Variants in GSAP observed in about 807,000 individuals in gnomAD.
GSAP encodes the protein gamma-secretase activating protein.
In GSAP, 118 loss-of-function variants were observed where a neutral mutation model predicts 131.7. That is an observed-to-expected ratio of 0.90 (90% CI 0.77 to 1.04). The LOEUF (loss-of-function observed/expected upper bound fraction) is 1.04, where lower values mean the gene tolerates loss of function less well. Among genes scored for constraint, GSAP ranks in the 50% least tolerant of loss-of-function variants. GSAP has a pLI of 0.00. For missense variants in GSAP, 1,019 were observed against 1,013.2 expected (o/e 1.01, Z -0.08); for synonymous variants, 381 against 363.4 (o/e 1.05, Z -0.55).
intron 14 of GSAP, 125 bp downstream of exon 14, chr7:77,360,699 C>A: frequency 1.7e-6 from 1 of 599,086 alleles, no homozygotes; most frequent in Middle Eastern, 2.8e-4. Flanking sequence ...TCAAGTGGGT[C>A]ATTGATTGTC....
chr7:77,396,304 A>T (rs1563113063), intron 5 of GSAP, among the ~76,000 whole-genome samples: 1 of 152,156 alleles, frequency 6.6e-6, no homozygotes, highest in Non-Finnish European at 1.5e-5. Flanking sequence ...TCTTACATTC[A>T]ATCTGCTTCA....
chr7:77,338,117 A>G (rs1053940252), intron 19 of GSAP, among the ~76,000 whole-genome samples: 6 of 152,198 alleles, frequency 3.9e-5, no homozygotes, highest in African/African-American at 1.4e-4. Context: ...GTGAGCCACT[A>G]TGGTACCACT....
intron 22 of GSAP, chr7:77,328,142 T>C (rs1788573977): frequency 1.1e-6 from 1 of 878,970 alleles, no homozygotes; most frequent in Non-Finnish European, 1.4e-6. Flanking sequence ...CCTGTGCTCT[T>C]TCCCCCAGAA....
In GSAP at chr7:77,352,188, C is replaced by T. The variant is rs1792982054; in HGVS notation, c.1491+756G>A. ...TAAACATAAAGTGTCACCATTTACT[C>T]TAGTACATATTTTCCTATGACTGTG... On this transcript the variant is annotated intron_variant, in intron 18 of 30. Coordinates refer to ENST00000257626, the MANE Select transcript of GSAP (RefSeq NM_017439.4). 2.6e-5 allele frequency among the ~76,000 whole-genome samples: 4 copies of T among 152,198 alleles called. No homozygotes were observed. In the South Asian group the frequency reaches 8.3e-4, roughly 32 times the overall value.
At position 77,366,666 on chromosome 7, in the gene GSAP, A is replaced by G. The variant is rs751330273; in HGVS notation, c.872-4006T>C. 1.6e-4 allele frequency among the ~76,000 whole-genome samples: 25 copies of G among 152,258 alleles called. 1 individual carries two copies. Among genetic ancestry groups the G allele is most frequent in the Middle Eastern group, 6.8e-3 (2 of 294 alleles). On this transcript the variant is annotated intron_variant, in intron 12 of 30. Coordinates refer to ENST00000257626, the MANE Select transcript of GSAP (RefSeq NM_017439.4). Reference sequence around the variant, plus strand: ...GTATAGTTTGAAGTTGGGTAACATGATATCTCCAGCTTTGTTCTTTTTGCT... The same window carrying G: ...GTATAGTTTGAAGTTGGGTAACATGGTATCTCCAGCTTTGTTCTTTTTGCT...
chr7:77,325,996 G>A (rs1291451351), intron 23 of GSAP, among the ~76,000 whole-genome samples: 1 of 152,130 alleles, frequency 6.6e-6, no homozygotes, highest in Non-Finnish European at 1.5e-5. Flanking sequence ...GTATTGGTGT[G>A]ATGCATGTGT....
Position 77,382,588 on chromosome 7 carries a change from A to G in GSAP, c.512T>C (p.Ile171Thr). The G allele has an allele frequency of 6.4e-7, 1 of 1,555,154 alleles. No homozygotes were observed. Among genetic ancestry groups the G allele is most frequent in the Non-Finnish European group, 8.9e-7 (1 of 1,126,450 alleles). Reference sequence around the variant, plus strand: ...GATACACTTACATTTCTCTTCTGAAATCAGTAACAGATGGTTCTCTGGAAG... The same window carrying G: ...GATACACTTACATTTCTCTTCTGAAGTCAGTAACAGATGGTTCTCTGGAAG... ...HPLPENHLLL[I>T]SEEKYIEQFR... The change falls in exon 7 of 31, where the codon ATT becomes ACT. Residue 171 changes from isoleucine (I) to threonine (T), a missense_variant. Transcript: ENST00000257626.
intron 23 of GSAP, among the ~76,000 whole-genome samples, chr7:77,324,023 T>A (rs771492845): frequency 1.2e-4 from 19 of 152,140 alleles, no homozygotes; most frequent in Non-Finnish European, 1.9e-4. Context: ...AAGAAGACAG[T>A]GAAAGTCACC....
intron 19 of GSAP, 172 bp from the exon 20 acceptor site, chr7:77,330,539 A>C (rs1788950281): frequency 2.5e-6 from 3 of 1,207,738 alleles, no homozygotes; most frequent in Non-Finnish European, 2.1e-6. Context: ...AAATAGACTT[A>C]AAGAATCTTC....
At chr7:77,382,709 GT>G in intron 6 of GSAP, 66 bp from the exon 7 acceptor site, 1 of 874,098 alleles carries the variant, frequency 1.1e-6, no homozygotes, top group Non-Finnish European at 1.9e-6. Flanking sequence ...TTCCAAAGTT[GT>G]GTTTGATGAC....
At chr7:77,404,008 C>A (rs1563131534) in intron 3 of GSAP, among the ~76,000 whole-genome samples, 1 of 152,100 alleles carries the variant, frequency 6.6e-6, no homozygotes, top group East Asian at 1.9e-4. Context: ...TGTCCATCAA[C>A]AAATAAATGA....
Position 77,397,402 on chromosome 7 carries a change from A to G in GSAP, c.257T>C (p.Phe86Ser). The G allele has an allele frequency of 1.9e-6, 3 of 1,590,554 alleles. No individual in the cohort carries two copies. In the South Asian group the frequency reaches 3.3e-5, roughly 18 times the overall value. The stretch of plus-strand genomic sequence containing the variant: ...ACTGAAAACTTGCAAGTCTTTCTCA[A>G]AGGTATATAGAAGCTATTAAAACAA... ...QTRQNELLYT[F>S]EKDLQVFSCS... Residue 86 changes from phenylalanine (F) to serine (S), a missense_variant, in exon 4 of 31, where the codon TTT becomes TCT. Coordinates refer to ENST00000257626, the MANE Select transcript of GSAP (RefSeq NM_017439.4).
At chr7:77,325,654 T>TGGGTTCAAG (rs1562904536) in intron 23 of GSAP, among the ~76,000 whole-genome samples, 1 of 152,226 alleles carries the variant, frequency 6.6e-6, no homozygotes, top group Non-Finnish European at 1.5e-5. Context: ...CACTGCAACC[T>TGGGTTCAAG]CCACTTCCTG....
chr7:77,399,455 T>C (rs1800962072), intron 3 of GSAP, among the ~76,000 whole-genome samples: 1 of 152,178 alleles, frequency 6.6e-6, no homozygotes, highest in Admixed American at 6.5e-5. Context: ...GAAGAGTCCA[T>C]GTCCCAAATT....
In GSAP at chr7:77,379,795, C is replaced by A. The variant is rs556991649; in HGVS notation, c.576+1510G>T. 3 of 844,064 alleles carry A rather than the reference C, an allele frequency of 3.6e-6. No homozygotes were observed. In the South Asian group the frequency reaches 1.6e-4, roughly 46 times the overall value. The allele number at this position is 844,064 out of a possible 1,614,324, so 52.3% of individuals were successfully genotyped here. ...TCCCATCCGTCTGTCCTTGTTCTCCCATCTACTTAGCCCCTGCGGGACAAT... is the reference window on the plus strand; with the variant it reads ...TCCCATCCGTCTGTCCTTGTTCTCCAATCTACTTAGCCCCTGCGGGACAAT... On this transcript the variant is annotated intron_variant, in intron 8 of 30. Coordinates refer to ENST00000257626, the MANE Select transcript of GSAP (RefSeq NM_017439.4).
chr7:77,391,369 A>G (rs932816650), intron 5 of GSAP, among the ~76,000 whole-genome samples: 2 of 152,142 alleles, frequency 1.3e-5, no homozygotes, highest in Non-Finnish European at 2.9e-5. Context: ...GCAAATAGTA[A>G]TTTCTCTCAA....
intron 10 of GSAP, among the ~76,000 whole-genome samples, chr7:77,376,183 G>C (rs993022365): frequency 3.9e-5 from 6 of 152,040 alleles, no homozygotes; most frequent in Non-Finnish European, 7.4e-5. Flanking sequence ...CAATTATTAG[G>C]TTGGTGCAAA....
chr7:77,352,732 C>T (rs896522657), intron 18 of GSAP, among the ~76,000 whole-genome samples: 3 of 152,158 alleles, frequency 2.0e-5, no homozygotes, highest in African/African-American at 7.2e-5. Flanking sequence ...TGTGTACCTG[C>T]TCCTTTGGTT....
chr7:77,330,794 G>A (rs183078843), intron 19 of GSAP: 5 of 985,006 alleles, frequency 5.1e-6, no homozygotes, highest in Admixed American at 6.2e-5. Context: ...TGGATAAATG[G>A]AGTAGGCGTA....
Sources: allele counts gnomAD v4.1 joint callset (sites outside exome capture counted in the v4.1 genomes callset), GRCh38; gene constraint gnomAD v4.1.1; transcripts MANE v1.5; gene names NCBI Gene and HGNC (gene_info 2026-07-23, HGNC 2026-07-21).